Variants in KCNN2 observed in about 807,000 individuals in gnomAD.
The protein encoded by KCNN2 is small conductance calcium-activated potassium channel protein 2.
KCNN2 carries 24 observed loss-of-function variants against 55.5 expected under a neutral mutation model. That is an observed-to-expected ratio of 0.43 (90% CI 0.31 to 0.61). The LOEUF (loss-of-function observed/expected upper bound fraction) is 0.61. Among genes scored for constraint, KCNN2 ranks in the 20% least tolerant of loss-of-function variants. KCNN2 has a pLI of 0.08. For synonymous variants in KCNN2, 431 were observed against 336.1 expected (o/e 1.28, Z -3.09); for missense variants, 754 against 853.6 (o/e 0.88, Z 1.45).
chr5:114,057,736 C>T (rs1324595433), intron 1 of KCNN2, among the ~76,000 whole-genome samples: 1 of 152,134 alleles, frequency 6.6e-6, no homozygotes, highest in Non-Finnish European at 1.5e-5. Flanking sequence ...GTGGTAGTGA[C>T]ATTCAGACTG....
chr5:114,420,861 T>G (rs1252468489), intron 3 of KCNN2, among the ~76,000 whole-genome samples: 1 of 152,220 alleles, frequency 6.6e-6, no homozygotes, highest in Non-Finnish European at 1.5e-5. Context: ...CTGGCTCATT[T>G]TGGCTGGGCC....
intron 2 of KCNN2, among the ~76,000 whole-genome samples, chr5:114,325,682 T>C (rs1756701835): frequency 6.6e-6 from 1 of 152,176 alleles, no homozygotes; most frequent in South Asian, 2.1e-4. Context: ...TCCTATGACA[T>C]ACACCAACAT....
intron 2 of KCNN2, among the ~76,000 whole-genome samples, chr5:114,268,689 G>A (rs896714818): frequency 1.3e-5 from 2 of 152,098 alleles, no homozygotes; most frequent in South Asian, 4.1e-4. Flanking sequence ...CAGGTCTCCG[G>A]GTCATTTCTC....
chr5:114,340,424 A>G lies in KCNN2; in HGVS notation c.-184-20521A>G, dbSNP rs188213500. Among the ~76,000 whole-genome samples, 51 of 152,258 alleles carry G rather than the reference A, an allele frequency of 3.3e-4. 1 individual carries two copies. The highest frequency in any genetic ancestry group is 1.2e-3 in the African/African-American group (51 of 41,554). On this transcript the variant is annotated intron_variant, in intron 2 of 10. Coordinates refer to the KCNN2 transcript ENST00000512097. Reference sequence around the variant, plus strand: ...TATGTGTATATATATTATAGTTTATATATATACATTCACACACACATAGAC... The same window carrying G: ...TATGTGTATATATATTATAGTTTATGTATATACATTCACACACACATAGAC...
At chr5:114,149,982 T>G (rs146322473) in intron 1 of KCNN2, among the ~76,000 whole-genome samples, 3,126 of 152,206 alleles carry the variant, frequency 0.021, 108 homozygotes, top group African/African-American at 0.07. Flanking sequence ...AAGGGTCGCA[T>G]TCCATTCCCA....
intron 2 of KCNN2, among the ~76,000 whole-genome samples, chr5:114,367,612 C>G (rs1757639022): frequency 6.6e-6 from 1 of 151,142 alleles, no homozygotes. Context: ...GTCTCAAGGT[C>G]AAATTATAGG....
chr5:114,242,511 C>T (rs1754665847), intron 2 of KCNN2, among the ~76,000 whole-genome samples: 1 of 152,158 alleles, frequency 6.6e-6, no homozygotes, highest in African/African-American at 2.4e-5. Flanking sequence ...AGTTGAGACA[C>T]AACCTGAATG....
At chr5:114,451,581 T>C (rs1760679447) in intron 3 of KCNN2, among the ~76,000 whole-genome samples, 1 of 151,810 alleles carries the variant, frequency 6.6e-6, no homozygotes, top group African/African-American at 2.4e-5. Flanking sequence ...CATTTTAGAG[T>C]CAATAAAGAA....
At chr5:114,161,203 G>T (rs1207796225) in intron 1 of KCNN2, among the ~76,000 whole-genome samples, 2 of 151,982 alleles carry the variant, frequency 1.3e-5, no homozygotes, top group South Asian at 2.1e-4. Flanking sequence ...AGGCCTGGTG[G>T]TGACAAAATC....
intron 2 of KCNN2, among the ~76,000 whole-genome samples, chr5:114,314,460 A>G (rs1202115469): frequency 6.6e-6 from 1 of 152,110 alleles, no homozygotes; most frequent in African/African-American, 2.4e-5. Context: ...AAAATGTCCC[A>G]TGTTTTACCT....
chr5:114,121,755 T>C (rs1751834195), intron 1 of KCNN2, among the ~76,000 whole-genome samples: 1 of 152,212 alleles, frequency 6.6e-6, no homozygotes, highest in South Asian at 2.1e-4. Context: ...GGTGACATCA[T>C]ACTCTCCCAA....
At chr5:114,427,334 A>G (rs1482034584) in intron 3 of KCNN2, among the ~76,000 whole-genome samples, 1 of 152,256 alleles carries the variant, frequency 6.6e-6, no homozygotes, top group African/African-American at 2.4e-5. Flanking sequence ...CAGGGGAGAA[A>G]GAAGACAAGG....
intron 2 of KCNN2, among the ~76,000 whole-genome samples, chr5:114,241,790 A>G (rs7717060): frequency 0.14 from 2,163 of 15,790 alleles, 674 homozygotes; most frequent in Middle Eastern, 0.25. Flanking sequence ...ATACGTATAT[A>G]TATGTATATA....
intron 1 of KCNN2, among the ~76,000 whole-genome samples, chr5:114,200,165 C>T (rs1753643882): frequency 6.6e-6 from 1 of 152,020 alleles, no homozygotes; most frequent in Non-Finnish European, 1.5e-5. Flanking sequence ...TATGTAGTCC[C>T]AGATGTCACA....
At chr5:114,094,521 C>T (rs1011046425) in intron 1 of KCNN2, among the ~76,000 whole-genome samples, 1 of 152,172 alleles carries the variant, frequency 6.6e-6, no homozygotes, top group Non-Finnish European at 1.5e-5. Flanking sequence ...GACCAAATGG[C>T]AGATAATTGG....
intron 3 of KCNN2, among the ~76,000 whole-genome samples, chr5:114,432,994 C>A (rs1759853889): frequency 6.6e-6 from 1 of 152,158 alleles, no homozygotes. Flanking sequence ...GCGGCCGGAG[C>A]CTCCCTGATG....
At chr5:114,302,145 G>C (rs973439211) in intron 2 of KCNN2, among the ~76,000 whole-genome samples, 2 of 152,148 alleles carry the variant, frequency 1.3e-5, no homozygotes, top group African/African-American at 4.8e-5. Context: ...TCTTAGCTGG[G>C]TTGCTGATCT....
chr5:114,170,073 AT>A (rs1469520126), intron 1 of KCNN2, among the ~76,000 whole-genome samples: 1 of 152,090 alleles, frequency 6.6e-6, no homozygotes. Context: ...ATCTCAATAG[AT>A]AATTGATTGT....
chr5:114,407,505 C>T (rs1427716656), intron 3 of KCNN2, among the ~76,000 whole-genome samples: 1 of 151,636 alleles, frequency 6.6e-6, no homozygotes, highest in African/African-American at 2.4e-5. Context: ...TGAAATTTTT[C>T]TCTTTGCATT....
Sources: gnomAD v4.1 joint callset for allele counts (sites outside exome capture counted in the v4.1 genomes callset) on GRCh38, gnomAD v4.1.1 for gene constraint, MANE v1.5 for transcripts, NCBI Gene and HGNC (gene_info 2026-07-23, HGNC 2026-07-21) for gene names.